SIAH2: variants seen among roughly 807,000 people sequenced by gnomAD.
SIAH2 encodes the protein siah E3 ubiquitin protein ligase 2, also known as E3 ubiquitin-protein ligase SIAH2.
Under a neutral mutation model 20.4 loss-of-function variants are expected in SIAH2, and 4 were observed. That is an observed-to-expected ratio of 0.20 (90% confidence interval 0.10 to 0.45). The LOEUF (loss-of-function observed/expected upper bound fraction) is 0.45. Ranked by LOEUF, SIAH2 falls within the 20% of genes least tolerant of loss-of-function variation. The probability of loss-of-function intolerance (pLI) is 0.99; values close to 1 mark genes in which losing one functional copy is unlikely to be tolerated. For missense variants in SIAH2, 259 were observed against 440.3 expected (o/e 0.59, Z 3.69); for synonymous variants, 171 against 192.5 (o/e 0.89, Z 0.93).
intron 1 of SIAH2, among the ~76,000 whole-genome samples, chr3:150,754,600 A>G (rs1015556254): frequency 2.6e-5 from 4 of 152,172 alleles, no homozygotes; most frequent in Non-Finnish European, 5.9e-5. Flanking sequence ...GAAAAACTCC[A>G]CCGATGTAGA....
chr3:150,761,339 C>A (rs1317207725), intron 1 of SIAH2, among the ~76,000 whole-genome samples: 1 of 152,192 alleles, frequency 6.6e-6, no homozygotes, highest in Non-Finnish European at 1.5e-5. Flanking sequence ...AAGGTTTCCA[C>A]GTAATAGCTG....
intron 1 of SIAH2, among the ~76,000 whole-genome samples, chr3:150,746,721 C>G (rs1714222591): frequency 6.6e-6 from 1 of 152,218 alleles, no homozygotes. Flanking sequence ...AAGAACTACT[C>G]ATTCCAATTC....
At chr3:150,757,847 G>T (rs1714517806) in intron 1 of SIAH2, among the ~76,000 whole-genome samples, 1 of 151,932 alleles carries the variant, frequency 6.6e-6, no homozygotes. Flanking sequence ...CAGATTTCTG[G>T]CTTTTCTTGA....
rs775106708 is a variant in SIAH2 at position 150,762,688 on chromosome 3, C to A, written c.162G>T (p.Val54=). Residue 54 remains valine (V), a synonymous_variant, in exon 1 of 2, where the codon GTG becomes GTT. Coordinates refer to ENST00000312960, the MANE Select transcript of SIAH2 (RefSeq NM_005067.7). The surrounding 1 kb of genome is among the most constrained non-coding windows in gnomAD (Gnocchi z 6.6). ...CGCCGCCGCCGCCGGGGCCCGAGAT[C>A]ACCGCCGCCGCGGCGGGCACCGCGG... ...GSSAVPAAAA[V]ISGPGGGGGA... 25 of 1,367,034 alleles carry A rather than the reference C, an allele frequency of 1.8e-5. 1 individual carries two copies. The South Asian group carries it at 3.5e-4, about 19-fold the overall frequency. The allele number at this position is 1,367,034 out of a possible 1,614,324, so 84.7% of individuals were successfully genotyped here. A position where few individuals can be genotyped will look rare whatever the true frequency, so the allele number is the denominator to read the frequency against.
At chr3:150,757,320 T>C (rs1449829789) in intron 1 of SIAH2, among the ~76,000 whole-genome samples, 3 of 152,108 alleles carry the variant, frequency 2.0e-5, no homozygotes, top group Non-Finnish European at 4.4e-5. Context: ...TCCCTTCTCT[T>C]AAAGACCCTC....
At chr3:150,747,891 G>A (rs1714260051) in intron 1 of SIAH2, among the ~76,000 whole-genome samples, 1 of 150,678 alleles carries the variant, frequency 6.6e-6, no homozygotes, top group Admixed American at 6.6e-5. Context: ...TTGAACCTGG[G>A]AGGCAGAGGT....
In SIAH2 at chr3:150,762,080, C is replaced by T; in HGVS notation, c.417+353G>A. 3.5e-6 allele frequency: 1 copy of T among 288,880 alleles called. No individual in the cohort carries two copies. Among genetic ancestry groups the T allele is most frequent in the Non-Finnish European group, 6.6e-6 (1 of 151,498 alleles). 17.9% of individuals were successfully genotyped at this position (288,880 alleles called of 1,614,324 possible). On this transcript the variant is annotated intron_variant, in intron 1 of 1. Coordinates refer to ENST00000312960, the MANE Select transcript of SIAH2 (RefSeq NM_005067.7). This position sits in a 1 kb window ranked among gnomAD's most constrained non-coding sequence, Gnocchi z 6.6. ...CCGTTTCCTCCCTCCTCAATCCCCA[C>T]ACAGTCAGTTTCTCGGTCCAAGTTT...
At chr3:150,750,361 T>C (rs187624845) in intron 1 of SIAH2, among the ~76,000 whole-genome samples, 1 of 152,228 alleles carries the variant, frequency 6.6e-6, no homozygotes, top group African/African-American at 2.4e-5. Context: ...TGAATAAATG[T>C]TAGATGTATC....
chr3:150,755,932 G>A (rs1004330459), intron 1 of SIAH2, among the ~76,000 whole-genome samples: 3 of 152,216 alleles, frequency 2.0e-5, no homozygotes, highest in Admixed American at 6.5e-5. Context: ...TTACAGGCAT[G>A]AGCCACCACA....
At chr3:150,756,759 C>T (rs112330733) in intron 1 of SIAH2, among the ~76,000 whole-genome samples, 45 of 152,246 alleles carry the variant, frequency 3.0e-4, no homozygotes, top group African/African-American at 9.6e-4. Context: ...TAAACTACAA[C>T]GAAAGGTGTA....
chr3:150,752,347 G>A (rs769307132), intron 1 of SIAH2, among the ~76,000 whole-genome samples: 1 of 152,230 alleles, frequency 6.6e-6, no homozygotes, highest in Admixed American at 6.5e-5. Context: ...AGTGGCTCAC[G>A]CCTGTAATCC....
chr3:150,761,974 G>C (rs1714623823), intron 1 of SIAH2: 1 of 163,258 alleles, frequency 6.1e-6, no homozygotes, highest in African/African-American at 2.4e-5. Flanking sequence ...TCAGGGGTGC[G>C]CAGACGGTAG....
At chr3:150,760,710 C>A (rs529802739) in intron 1 of SIAH2, among the ~76,000 whole-genome samples, 1 of 152,182 alleles carries the variant, frequency 6.6e-6, no homozygotes, top group Non-Finnish European at 1.5e-5. Context: ...TTAGCCGCTG[C>A]GCGTTTAAGG....
chr3:150,751,841 G>A (rs1243530791), intron 1 of SIAH2, among the ~76,000 whole-genome samples: 1 of 152,134 alleles, frequency 6.6e-6, no homozygotes, highest in East Asian at 1.9e-4. Context: ...TTATAGGCAT[G>A]AGCCACCACA....
chr3:150,742,304 C>G lies in SIAH2; in HGVS notation c.812G>C (p.Arg271Pro), dbSNP rs145365521. ...FAYRLELNGNRRRLTWEATPR... is the reference protein window; with the variant it reads ...FAYRLELNGNPRRLTWEATPR... ...CGTGGCCTCCCAGGTCAATCTCCGC[C>G]GGTTCCCATTCAACTCCAGTCTGTA... The change falls in exon 2 of 2, where the codon CGG becomes CCG. Residue 271 changes from arginine (R) to proline (P), a missense_variant. Arg to Pro is a moderately radical substitution (Grantham distance 103). This residue lies in a region of SIAH2 where 160 missense variants were observed against 327.6 expected (regional missense o/e 0.49). Transcript: ENST00000312960. This position sits in a 1 kb window ranked among gnomAD's most constrained non-coding sequence, Gnocchi z 4.8. 1 of 1,614,146 alleles carries G rather than the reference C, an allele frequency of 6.2e-7. No homozygotes were observed. Among genetic ancestry groups the G allele is most frequent in the Non-Finnish European group, 8.5e-7 (1 of 1,180,028 alleles).
At chr3:150,745,275 A>C (rs1005654956) in intron 1 of SIAH2, among the ~76,000 whole-genome samples, 4 of 148,416 alleles carry the variant, frequency 2.7e-5, no homozygotes, top group Admixed American at 6.7e-5. Flanking sequence ...ACACACACAC[A>C]CACCCCACAT....
At chr3:150,750,084 T>C (rs898753001) in intron 1 of SIAH2, among the ~76,000 whole-genome samples, 1 of 152,204 alleles carries the variant, frequency 6.6e-6, no homozygotes, top group African/African-American at 2.4e-5. Flanking sequence ...AGCAGATAAT[T>C]AGGACTTGTG....
At chr3:150,744,913 A>G (rs1475124322) in intron 1 of SIAH2, among the ~76,000 whole-genome samples, 1 of 152,184 alleles carries the variant, frequency 6.6e-6, no homozygotes, top group Admixed American at 6.5e-5. Flanking sequence ...ACTCTGAATT[A>G]TTTGATTTGC....
At chr3:150,752,586 G>A (rs1166091779) in intron 1 of SIAH2, among the ~76,000 whole-genome samples, 1 of 152,022 alleles carries the variant, frequency 6.6e-6, no homozygotes, top group Non-Finnish European at 1.5e-5. Flanking sequence ...TCCAGCCTGG[G>A]CGACAGAGCG....
Sources: allele counts gnomAD v4.1 joint callset (sites outside exome capture counted in the v4.1 genomes callset), GRCh38; gene constraint gnomAD v4.1.1; regional missense constraint gnomAD v4.1.1; non-coding constraint Gnocchi (gnomAD v3.1); transcripts MANE v1.5; gene names NCBI Gene and HGNC (gene_info 2026-07-23, HGNC 2026-07-21).